The following ZNF628 variants were observed in gnomAD, a reference collection of about 807,000 sequenced individuals.
The protein encoded by ZNF628 is zinc finger protein Zec.
ZNF628 carries 3 observed loss-of-function variants against 2.5 expected under a neutral mutation model. The observed-to-expected ratio is 1.19, with a 90% CI of 0.54 to 3.07. The LOEUF (loss-of-function observed/expected upper bound fraction) is 3.07. Among genes scored for constraint, ZNF628 ranks in the 30% most tolerant of loss-of-function variants. The probability of loss-of-function intolerance (pLI) is 0.03; values close to 1 mark genes in which losing one functional copy is unlikely to be tolerated. For synonymous variants in ZNF628, 861 were observed against 717.1 expected (o/e 1.20, Z -3.21); for missense variants, 1,610 against 1,517.1 (o/e 1.06, Z -1.02).
chr19:55,480,076 G>A (rs1328367281), intron 2 of ZNF628, among the ~76,000 whole-genome samples, 159 bp downstream of exon 2: 1 of 151,942 alleles, frequency 6.6e-6, no homozygotes, highest in Non-Finnish European at 1.5e-5. Context: ...GTGCAGGGTC[G>A]GGCAGGAGTG....
Position 55,482,277 on chromosome 19 carries a change from G to A in ZNF628, c.1084G>A (p.Gly362Ser). The A allele has an allele frequency of 2.0e-6, 3 of 1,471,482 alleles. No homozygotes were observed. Among genetic ancestry groups the A allele is most frequent in the Non-Finnish European group, 2.7e-6 (3 of 1,118,170 alleles). The allele number at this position is 1,471,482 out of a possible 1,614,324, so 91.2% of individuals were successfully genotyped here. A position where few individuals can be genotyped will look rare whatever the true frequency, so the allele number is the denominator to read the frequency against. Reference sequence around the variant, plus strand: ...GCCTGGCTTTGCCTGTCTGCCCTGCGGCAAGTCCTTCCGGACGGTGGCTGG... The same window carrying A: ...GCCTGGCTTTGCCTGTCTGCCCTGCAGCAAGTCCTTCCGGACGGTGGCTGG... ...PAPGFACLPC[G>S]KSFRTVAGLS... The change falls in exon 3 of 3, where the codon GGC becomes AGC. Residue 362 changes from glycine (G) to serine (S), a missense_variant. Physicochemically the swap from Gly to Ser is moderately conservative, Grantham distance 56 (BLOSUM62 0). Around this residue, in one of 5 missense-constraint regions of ZNF628, gnomAD observed 651 missense variants for 575.6 expected, o/e 1.13. Transcript: ENST00000598519.
At position 55,483,606 on chromosome 19, in the gene ZNF628, G is replaced by A. The variant is rs749847821; in HGVS notation, c.2413G>A (p.Val805Met). 2.5e-6 allele frequency: 4 copies of A among 1,613,262 alleles called. No individual in the cohort carries two copies. Among genetic ancestry groups the A allele is most frequent in the Non-Finnish European group, 3.4e-6 (4 of 1,179,698 alleles). ...GCAGAGCCTCATCGTTCTGCAGAAT[G>A]TGGGGGGTGGGGAGGCAGGGCCACA... ...TGQSLIVLQN[V>M]GGGEAGPQEM... Residue 805 changes from valine (V) to methionine (M), a missense_variant, in exon 3 of 3, where the codon GTG (valine) becomes ATG (methionine). Transcript: ENST00000598519.
In ZNF628 at chr19:55,481,255, C is replaced by G; in HGVS notation, c.62C>G (p.Ala21Gly). The G allele has an allele frequency of 1.3e-6, 2 of 1,583,422 alleles. No homozygotes were observed. Among genetic ancestry groups the G allele is most frequent in the Non-Finnish European group, 1.7e-6 (2 of 1,167,330 alleles). ...GCGCCGGCCTCTACTGCGGAGGGGG[C>G]CGGGGAGAAGCCAGGCCCTGCGGCC... ...DMAPASTAEGAGEKPGPAAPA... is the reference protein window; with the variant it reads ...DMAPASTAEGGGEKPGPAAPA... The change falls in exon 3 of 3, where the codon GCC becomes GGC. Residue 21 changes from alanine to glycine, a missense_variant. Transcript: ENST00000598519.
Position 55,483,449 on chromosome 19 carries a change from T to G in ZNF628, c.2256T>G (p.Ala752=). 6.6e-7 allele frequency: 1 copy of G among 1,511,218 alleles called. No homozygotes were observed. Among genetic ancestry groups the G allele is most frequent in the Non-Finnish European group, 8.8e-7 (1 of 1,132,080 alleles). The allele number at this position is 1,511,218 out of a possible 1,614,324, so 93.6% of individuals were successfully genotyped here. ...TGCTGCCCTCCTCCAGTGCTGGGGC[T>G]GGGGGCGGCCGTGCAAGGCAGGGCC... ...LILLPSSSAG[A]GGGRARQGPR... Residue 752 remains alanine, a synonymous_variant, in exon 3 of 3, where the codon GCT becomes GCG. Transcript: ENST00000598519.
chr19:55,482,006 GCCGCCC>G lies in ZNF628; in HGVS notation c.826_831del (p.Pro276_Pro277del), dbSNP rs764488198. 4.0e-5 allele frequency: 46 copies of G among 1,157,544 alleles called. No individual in the cohort carries two copies. Among genetic ancestry groups the G allele is most frequent in the Admixed American group, 2.3e-4 (7 of 30,922 alleles). The allele number at this position is 1,157,544 out of a possible 1,614,324, so 71.7% of individuals were successfully genotyped here. A position where few individuals can be genotyped will look rare whatever the true frequency, so the allele number is the denominator to read the frequency against. On this transcript the variant is annotated inframe_deletion, in exon 3 of 3. Transcript: ENST00000598519. Reference sequence around the variant, plus strand: ...ACAGCCCGCCCGCGCCTCCCGCCCCGCCGCCCCCGCCCCCGCCCGTGGTGCCTGAGC... The same window carrying G: ...ACAGCCCGCCCGCGCCTCCCGCCCCGCCGCCCCCGCCCGTGGTGCCTGAGC...
At position 55,482,878 on chromosome 19, in the gene ZNF628, G is replaced by T. The variant is rs755138882; in HGVS notation, c.1685G>T (p.Gly562Val). 5.0e-6 allele frequency: 8 copies of T among 1,603,728 alleles called. No individual in the cohort carries two copies. In the Admixed American group the frequency reaches 6.7e-5, roughly 13 times the overall value. ...CLRRHRHVHT[G>V]ERPHACGVCG... ...CGTCGCCACCGCCACGTGCACACTGGCGAGAGGCCCCACGCCTGCGGTGTC... is the reference window on the plus strand; with the variant it reads ...CGTCGCCACCGCCACGTGCACACTGTCGAGAGGCCCCACGCCTGCGGTGTC... The change falls in exon 3 of 3, where the codon GGC becomes GTC. Residue 562 changes from glycine to valine, a missense_variant. By Grantham distance (109) the Gly-to-Val change is moderately radical. Transcript: ENST00000598519.
Position 55,482,609 on chromosome 19 carries a change from C to T in ZNF628, c.1416C>T (p.His472=). 1 of 1,606,820 alleles carries T rather than the reference C, an allele frequency of 6.2e-7. No homozygotes were observed. The change falls in exon 3 of 3, where the codon CAC becomes CAT. Residue 472 remains histidine (H), a synonymous_variant. Coordinates refer to ENST00000598519, the MANE Select transcript of ZNF628 (RefSeq NM_033113.3). ...SFKGSSGLRY[H]LRDHTGERPY... is the part of the protein sequence containing the mutation. ...AGGGCTCCTCCGGGCTGCGCTACCA[C>T]CTGCGGGACCACACGGGCGAGCGGC...
rs370949939 is a variant in ZNF628 at position 55,482,940 on chromosome 19, C to A, written c.1747C>A (p.Gln583Lys). 15 of 1,608,444 alleles carry A rather than the reference C, an allele frequency of 9.3e-6. No individual in the cohort carries two copies. Among genetic ancestry groups the A allele is most frequent in the Non-Finnish European group, 1.3e-5 (15 of 1,178,590 alleles). Residue 583 changes from glutamine (Q) to lysine (K), a missense_variant, in exon 3 of 3, where the codon CAG becomes AAG. This residue lies in a region of ZNF628 where 651 missense variants were observed against 575.6 expected (regional missense o/e 1.13). Transcript: ENST00000598519. Reference sequence around the variant, plus strand: ...CTTCGCGCAGACCTCCAACCTGCGGCAGCACCAGCGCGTGCACACGGGCGA... The same window carrying A: ...CTTCGCGCAGACCTCCAACCTGCGGAAGCACCAGCGCGTGCACACGGGCGA... ...KSFAQTSNLR[Q>K]HQRVHTGERP...
At position 55,482,489 on chromosome 19, in the gene ZNF628, G is replaced by A. The variant is rs779749448; in HGVS notation, c.1296G>A (p.Pro432=). ...CGGAGGTGACCTGCCCCCAGGAACC[G>A]CTGGCGCCTGCCGCCCCCGTCCCGC... The part of the protein sequence containing the change: ...EAAEVTCPQE[P]LAPAAPVPPP... The change falls in exon 3 of 3, where the codon CCG becomes CCA. Residue 432 remains proline (P), a synonymous_variant. Coordinates refer to ENST00000598519, the MANE Select transcript of ZNF628 (RefSeq NM_033113.3). 9.0e-6 allele frequency: 13 copies of A among 1,444,806 alleles called. No individual in the cohort carries two copies. The South Asian group carries it at 1.8e-4, about 20-fold the overall frequency. The allele number at this position is 1,444,806 out of a possible 1,614,324, so 89.5% of individuals were successfully genotyped here.
rs73057174 is a variant in ZNF628, at chr19:55,484,343, A to G, written c.3150A>G (p.Leu1050=). 0.022 allele frequency: 32,196 copies of G among 1,462,610 alleles called. 453 individuals are homozygous for G. The highest frequency in any genetic ancestry group is 0.047 in the Middle Eastern group (218 of 4,680). 90.6% of individuals were successfully genotyped at this position (1,462,610 alleles called of 1,614,324 possible). The change falls in exon 3 of 3, where the codon CTA becomes CTG. Residue 1050 remains leucine (L), a synonymous_variant. Coordinates refer to ENST00000598519, the MANE Select transcript of ZNF628 (RefSeq NM_033113.3). ...GLPSIQIVQT[L]PAVQLVHTF The stretch of plus-strand genomic sequence containing the variant: ...CCTCCATCCAGATTGTCCAGACTCT[A>G]CCCGCAGTCCAGCTGGTGCACACGT...
chr19:55,480,838 CCT>C (rs1243488359), intron 2 of ZNF628, among the ~76,000 whole-genome samples: 1 of 152,168 alleles, frequency 6.6e-6, no homozygotes, highest in Admixed American at 6.5e-5. Context: ...GCCAGGAGAG[CCT>C]CTCTGCGTGT....
Position 55,483,206 on chromosome 19 carries a change from C to T in ZNF628, c.2013C>T (p.Ala671=), listed in dbSNP as rs1194286636. The change falls in exon 3 of 3, where the codon GCC becomes GCT. Residue 671 remains alanine, a synonymous_variant. Coordinates refer to ENST00000598519, the MANE Select transcript of ZNF628 (RefSeq NM_033113.3). ...CTGCTCCACTGGCTGCTGCGCGGGC[C>T]CCGCCAGCCACCCAAGATGTCCACG... ...QPPAPLAAAR[A]PPATQDVHVL... 4.5e-6 allele frequency: 7 copies of T among 1,543,438 alleles called. No individual in the cohort carries two copies. In the Admixed American group the frequency reaches 5.8e-5, roughly 13 times the overall value.
intron 2 of ZNF628, among the ~76,000 whole-genome samples, chr19:55,480,973 C>T (rs1409141362): frequency 6.6e-6 from 1 of 152,186 alleles, no homozygotes; most frequent in Non-Finnish European, 1.5e-5. Flanking sequence ...AGGGTGGCCA[C>T]AGTTTGCTGG....
At position 55,479,242 on chromosome 19, in the gene ZNF628, C is replaced by T. The variant is rs111952366; in HGVS notation, c.-77-592C>T. On this transcript the variant is annotated intron_variant, in intron 1 of 2. Coordinates refer to ENST00000598519, the MANE Select transcript of ZNF628 (RefSeq NM_033113.3). This position sits in a 1 kb window ranked among gnomAD's most constrained non-coding sequence, Gnocchi z 5.1. Reference sequence around the variant, plus strand: ...CCGGAGGCCAGGGGGAGGCGGGCCACGGACCCAGTGACAAGTGGGCCATTG... The same window carrying T: ...CCGGAGGCCAGGGGGAGGCGGGCCATGGACCCAGTGACAAGTGGGCCATTG... Among the ~76,000 whole-genome samples the T allele has an allele frequency of 4.6e-3, 705 of 152,256 alleles. 8 individuals carry two copies. The highest frequency in any genetic ancestry group is 0.016 in the African/African-American group (681 of 41,550).
chr19:55,476,987 T>C (rs1986565253), intron 1 of ZNF628, among the ~76,000 whole-genome samples, 180 bp downstream of exon 1: 1 of 152,162 alleles, frequency 6.6e-6, no homozygotes, highest in Non-Finnish European at 1.5e-5. Context: ...GGGGCCACAT[T>C]GAGAGGGCGG....
rs758256963 is a variant in ZNF628, at chr19:55,481,879, C to A, written c.686C>A (p.Ala229Asp). Reference sequence around the variant, plus strand: ...CTGCACCAGCGCACGCACGGCGCCGCCCCCGCCCCGGGTACCGCCTCCGCG... The same window carrying A: ...CTGCACCAGCGCACGCACGGCGCCGACCCCGCCCCGGGTACCGCCTCCGCG... ...LLLHQRTHGA[A>D]PAPGTASAAP... The change falls in exon 3 of 3, where the codon GCC becomes GAC. Residue 229 changes from alanine (A) to aspartate (D), a missense_variant. By Grantham distance (126) the Ala-to-Asp change is moderately radical. Transcript: ENST00000598519. 3 of 1,531,634 alleles carry A rather than the reference C, an allele frequency of 2.0e-6. No individual in the cohort carries two copies. In the African/African-American group the frequency reaches 4.2e-5, roughly 21 times the overall value. The allele number at this position is 1,531,634 out of a possible 1,614,324, so 94.9% of individuals were successfully genotyped here. A position where few individuals can be genotyped will look rare whatever the true frequency, so the allele number is the denominator to read the frequency against.
Position 55,476,684 on chromosome 19 carries a change from G to GCGCCCCTGC in ZNF628, c.-199_-191dup, listed in dbSNP as rs1177338133. 1 of 151,980 alleles carries GCGCCCCTGC rather than the reference G, an allele frequency of 6.6e-6. No individual in the cohort carries two copies. Among genetic ancestry groups the GCGCCCCTGC allele is most frequent in the Non-Finnish European group, 1.5e-5 (1 of 67,978 alleles). 9.4% of individuals were successfully genotyped at this position (151,980 alleles called of 1,614,324 possible). ...GCGCCGGGGGCCGTTGGGAGGGAGT[G>GCGCCCCTGC]CGCCCCTGCCCCCCCTCCCCGGTCC... is the stretch of plus-strand genomic sequence containing the variant. On this transcript the variant is annotated 5_prime_UTR_variant, in exon 1 of 3. Transcript: ENST00000598519.
At position 55,482,293 on chromosome 19, in the gene ZNF628, C is replaced by A; in HGVS notation, c.1100C>A (p.Thr367Lys). 2 of 1,471,682 alleles carry A rather than the reference C, an allele frequency of 1.4e-6. No homozygotes were observed. Among genetic ancestry groups the A allele is most frequent in the Non-Finnish European group, 1.8e-6 (2 of 1,117,824 alleles). 91.2% of individuals were successfully genotyped at this position (1,471,682 alleles called of 1,614,324 possible). A position where few individuals can be genotyped will look rare whatever the true frequency, so the allele number is the denominator to read the frequency against. Residue 367 changes from threonine to lysine, a missense_variant, in exon 3 of 3, where the codon ACG becomes AAG. Transcript: ENST00000598519. Reference protein sequence around the residue: ...ACLPCGKSFRTVAGLSRHQHS... With the variant: ...ACLPCGKSFRKVAGLSRHQHS... ...CTGCCCTGCGGCAAGTCCTTCCGGACGGTGGCTGGGCTCTCCCGCCACCAG... is the reference window on the plus strand; with the variant it reads ...CTGCCCTGCGGCAAGTCCTTCCGGAAGGTGGCTGGGCTCTCCCGCCACCAG...
At chr19:55,477,926 C>T (rs951293996) in intron 1 of ZNF628, among the ~76,000 whole-genome samples, 2 of 152,176 alleles carry the variant, frequency 1.3e-5, no homozygotes, top group Non-Finnish European at 2.9e-5. Context: ...CCTATTTTCC[C>T]GGCGTTGACA....
Sources: gnomAD v4.1 joint callset for allele counts (sites outside exome capture counted in the v4.1 genomes callset) on GRCh38, gnomAD v4.1.1 for gene constraint, gnomAD v4.1.1 regional missense constraint, Gnocchi (gnomAD v3.1) non-coding constraint, MANE v1.5 for transcripts, NCBI Gene and HGNC (gene_info 2026-07-23, HGNC 2026-07-21) for gene names.